Variants in ADAMTS7 observed in about 807,000 individuals in gnomAD.
The protein encoded by ADAMTS7 is A disintegrin and metalloproteinase with thrombospondin motifs 7.
ADAMTS7 carries 89 observed loss-of-function variants against 172.6 expected under a neutral mutation model. That is an observed-to-expected ratio of 0.52 (90% CI 0.43 to 0.61). The LOEUF (loss-of-function observed/expected upper bound fraction) is 0.61, where lower values mean the gene tolerates loss of function less well. ADAMTS7 is among the 20% of genes least tolerant of loss of function. The probability of loss-of-function intolerance (pLI) is 0.00; values close to 1 mark genes in which losing one functional copy is unlikely to be tolerated. For missense variants in ADAMTS7, 1,973 were observed against 2,355.6 expected (o/e 0.84, Z 3.36); for synonymous variants, 885 against 978.4 (o/e 0.90, Z 1.78).
chr15:78,800,712 G>A (rs1181538986), intron 1 of ADAMTS7, among the ~76,000 whole-genome samples, 165 bp from the exon 2 acceptor site: 1 of 152,212 alleles, frequency 6.6e-6, no homozygotes, highest in African/African-American at 2.4e-5. Flanking sequence ...ATCTTTCCGT[G>A]CCTCAGTTTC....
At position 78,796,637 on chromosome 15, in the gene ADAMTS7, G is replaced by A. The variant is rs771583418; in HGVS notation, c.772C>T (p.His258Tyr). 3 of 1,613,870 alleles carry A rather than the reference G, an allele frequency of 1.9e-6. No homozygotes were observed. In the African/African-American group the frequency reaches 4.0e-5, roughly 22 times the overall value. The part of the protein sequence containing the change: ...VVADAKMVEY[H>Y]GQPQVESYVL... ...TAGCTCTCAACCTGCGGCTGTCCGTGGTACTCCACCATTTTGGCATCAGCT... is the reference window on the plus strand; with the variant it reads ...TAGCTCTCAACCTGCGGCTGTCCGTAGTACTCCACCATTTTGGCATCAGCT... Residue 258 changes from histidine to tyrosine, a missense_variant, in exon 4 of 24, where the codon CAC becomes TAC. Transcript: ENST00000388820.
At chr15:78,762,197 C>T in intron 23 of ADAMTS7, 1 of 744,762 alleles carries the variant, frequency 1.3e-6, no homozygotes, top group Non-Finnish European at 1.6e-6. Context: ...GTGGCCGGGA[C>T]TCCCCTTGAC....
chr15:78,768,089 G>A (rs111276676), intron 17 of ADAMTS7, 44 bp downstream of exon 17: 11 of 816,434 alleles, frequency 1.3e-5, no homozygotes, highest in Middle Eastern at 4.1e-4. Flanking sequence ...GGGAGTTGGC[G>A]GGGGATGGGG....
chr15:78,797,975 T>A lies in ADAMTS7; in HGVS notation c.595A>T (p.Ser199Cys). 1.3e-6 allele frequency: 2 copies of A among 1,596,974 alleles called. No individual in the cohort carries two copies. The highest frequency in any genetic ancestry group is 1.7e-6 in the Non-Finnish European group (2 of 1,173,324). ...TGCACTCCACAGGTGCTTGGAGCACTGGAATCACCCCGCTGTGCCAGCCTC... is the reference window on the plus strand; with the variant it reads ...TGCACTCCACAGGTGCTTGGAGCACAGGAATCACCCCGCTGTGCCAGCCTC... The part of the protein sequence containing the change: ...PERLAQRGDS[S>C]APSTCGVQVY... Residue 199 changes from serine to cysteine, a missense_variant, in exon 3 of 24, where the codon AGT becomes TGT. Physicochemically the swap from Ser to Cys is moderately radical, Grantham distance 112. Transcript: ENST00000388820.
At chr15:78,765,377 G>C (rs1340062612) in intron 19 of ADAMTS7, among the ~76,000 whole-genome samples, 2 of 152,266 alleles carry the variant, frequency 1.3e-5, no homozygotes, top group Non-Finnish European at 2.9e-5. Flanking sequence ...GCCATGCGGG[G>C]ACCGTCCCCA....
At chr15:78,774,541 C>A in intron 12 of ADAMTS7, 83 bp downstream of exon 12, 1 of 1,597,228 alleles carries the variant, frequency 6.3e-7, no homozygotes, top group Non-Finnish European at 8.5e-7. Flanking sequence ...GACTGGGCCT[C>A]CTGCTCGCAT....
chr15:78,775,208 C>T (rs927215115), intron 11 of ADAMTS7, among the ~76,000 whole-genome samples: 37 of 152,334 alleles, frequency 2.4e-4, no homozygotes, highest in Admixed American at 1.7e-3. Context: ...AGCATCCTAA[C>T]GAGCCCTTGA....
intron 8 of ADAMTS7, among the ~76,000 whole-genome samples, chr15:78,781,974 A>C: frequency 6.6e-6 from 1 of 152,058 alleles, no homozygotes; most frequent in Admixed American, 6.5e-5. Flanking sequence ...CCATTTTTTG[A>C]GGCTTAAGAG....
intron 1 of ADAMTS7, among the ~76,000 whole-genome samples, chr15:78,802,490 G>C (rs556259627): frequency 2.0e-5 from 3 of 152,344 alleles, no homozygotes; most frequent in South Asian, 4.1e-4. Flanking sequence ...CAACAGGGTA[G>C]CTCTGGTTTC....
chr15:78,796,530 C>T (rs71407293), intron 4 of ADAMTS7, 60 bp downstream of exon 4: 2 of 1,558,828 alleles, frequency 1.3e-6, no homozygotes, highest in Non-Finnish European at 1.7e-6. Context: ...TGCACCCACT[C>T]TTTGCACCCC....
At chr15:78,785,048 G>T (rs1440389702) in intron 8 of ADAMTS7, among the ~76,000 whole-genome samples, 1 of 152,008 alleles carries the variant, frequency 6.6e-6, no homozygotes, top group Non-Finnish European at 1.5e-5. Context: ...TGAATATTTT[G>T]GGGCAGGTCT....
At position 78,791,134 on chromosome 15, in the gene ADAMTS7, A is replaced by G. The variant is rs757982162; in HGVS notation, c.903+6T>C. 5.6e-6 allele frequency: 9 copies of G among 1,612,198 alleles called. No individual in the cohort carries two copies. The highest frequency in any genetic ancestry group is 2.2e-5 in the East Asian group (1 of 44,852). On this transcript the variant is annotated splice_donor_region_variant and intron_variant, in intron 5 of 23. Coordinates refer to ENST00000388820, the MANE Select transcript of ADAMTS7 (RefSeq NM_014272.5). ...CCGGGCAGCGTGGGACCACATGACCACTCACCTCCTCATCTTCCAGCAGGA... is the reference window on the plus strand; with the variant it reads ...CCGGGCAGCGTGGGACCACATGACCGCTCACCTCCTCATCTTCCAGCAGGA...
chr15:78,780,916 T>C (rs9806350), intron 8 of ADAMTS7, among the ~76,000 whole-genome samples: 10,712 of 152,026 alleles, frequency 0.07, 994 homozygotes, highest in African/African-American at 0.24. Context: ...CATCCCCAAC[T>C]GTCATCTGTC....
At chr15:78,811,088 G>C in intron 1 of ADAMTS7, 33 bp downstream of exon 1, 1 of 1,229,766 alleles carries the variant, frequency 8.1e-7, no homozygotes, top group Non-Finnish European at 1.0e-6. Context: ...AGGGGTGGCA[G>C]GCCCGGCTGG....
intron 6 of ADAMTS7, among the ~76,000 whole-genome samples, chr15:78,790,247 G>A (rs943067653): frequency 1.3e-5 from 2 of 152,098 alleles, no homozygotes; most frequent in Non-Finnish European, 2.9e-5. Flanking sequence ...CTAGACTGTG[G>A]GGGTGGGTAG....
Position 78,763,754 on chromosome 15 carries a change from G to A in ADAMTS7, c.4685C>T (p.Thr1562Ile), listed in dbSNP as rs368609643. The change falls in exon 22 of 24, where the codon ACC (threonine) becomes ATC (isoleucine). Residue 1562 changes from threonine to isoleucine, a missense_variant. Thr to Ile is a moderately conservative substitution (Grantham distance 89, BLOSUM62 -1). Coordinates refer to ENST00000388820, the MANE Select transcript of ADAMTS7 (RefSeq NM_014272.5). The stretch of plus-strand genomic sequence containing the variant: ...GCAGGGGTGGGTGTTGCAGGGCCGG[G>A]TGGTGTTGGGTCTCAGCGCCTCCTC... The part of the protein sequence containing the change: ...LCEEALRPNT[T>I]RPCNTHPCTQ... The A allele has an allele frequency of 6.5e-5, 104 of 1,598,476 alleles. No individual in the cohort carries two copies. In the African/African-American group the frequency reaches 1.3e-3, roughly 20 times the overall value.
In ADAMTS7 at chr15:78,766,810, G is replaced by A. The variant is rs551627391; in HGVS notation, c.3101C>T (p.Ser1034Leu). The change falls in exon 19 of 24, where the codon TCA becomes TTA. Residue 1034 changes from serine to leucine, a missense_variant. Physicochemically the swap from Ser to Leu is moderately radical, Grantham distance 145 (BLOSUM62 -2). Coordinates refer to ENST00000388820, the MANE Select transcript of ADAMTS7 (RefSeq NM_014272.5). Reference protein sequence around the residue: ...HHLAPRPSPASSPKPGTMGNA... With the variant: ...HHLAPRPSPALSPKPGTMGNA... ...GCCCATGGTGCCTGGCTTGGGTGAT[G>A]AGGCGGGTGAAGGGCGTGGGGCCAG... The A allele has an allele frequency of 1.6e-4, 252 of 1,610,358 alleles. No individual in the cohort carries two copies. The highest frequency in any genetic ancestry group is 1.0e-3 in the South Asian group (93 of 90,958).
In ADAMTS7 at chr15:78,774,272, G is replaced by A. The variant is rs149091424; in HGVS notation, c.1905C>T (p.Pro635=). The stretch of plus-strand genomic sequence containing the variant: ...GCTTCTCGGCAAAGTACTCATTCGC[G>A]GGCCGGCAGTGCAGCTCGCAGGGGT... ...DVNPCELHCR[P]ANEYFAEKLR... Residue 635 remains proline, a synonymous_variant, in exon 13 of 24, where the codon CCC becomes CCT. Coordinates refer to ENST00000388820, the MANE Select transcript of ADAMTS7 (RefSeq NM_014272.5). 270 of 1,576,772 alleles carry A rather than the reference G, an allele frequency of 1.7e-4. No homozygotes were observed. The highest frequency in any genetic ancestry group is 3.2e-4 in the Admixed American group (18 of 56,186).
Position 78,789,669 on chromosome 15 carries a change from A to G in ADAMTS7, c.1178+20T>C. ...GGTGAAGCTCGGCTCTCAGTGTAGC[A>G]ATGGGGGCAGGCACAGTACCTGTGC... is the stretch of plus-strand genomic sequence containing the variant. On this transcript the variant is annotated intron_variant, in intron 7 of 23. Transcript: ENST00000388820. 1 of 1,613,260 alleles carries G rather than the reference A, an allele frequency of 6.2e-7. No individual in the cohort carries two copies. The highest frequency in any genetic ancestry group is 8.5e-7 in the Non-Finnish European group (1 of 1,179,766).
Sources: allele counts gnomAD v4.1 joint callset (sites outside exome capture counted in the v4.1 genomes callset), GRCh38; gene constraint gnomAD v4.1.1; transcripts MANE v1.5; gene names NCBI Gene and HGNC (gene_info 2026-07-23, HGNC 2026-07-21).